The following COL1A2 variants were observed in gnomAD, a reference collection of about 807,000 sequenced individuals.
The protein encoded by COL1A2 is collagen alpha-2(I) chain.
COL1A2 carries 49 observed loss-of-function variants against 174.3 expected under a neutral mutation model. That is an observed-to-expected ratio of 0.28 (90% CI 0.22 to 0.36). COL1A2 has a LOEUF of 0.36. Among genes scored for constraint, COL1A2 ranks in the 10% least tolerant of loss-of-function variants. The probability of loss-of-function intolerance (pLI) is 1.00; values close to 1 mark genes in which losing one functional copy is unlikely to be tolerated. For synonymous variants in COL1A2, 655 were observed against 606.6 expected, an observed-to-expected ratio of 1.08 and a Z score of -1.17; for missense variants, 1,438 against 1,822.7, an observed-to-expected ratio of 0.79 and a Z score of 3.84.
chr7:94,399,161 A>C, intron 4 of COL1A2, 77 bp downstream of exon 4: 1 of 1,308,952 alleles, frequency 7.6e-7, no homozygotes, highest in South Asian at 1.2e-5. Context: ...GGAACTGGCA[A>C]TTTATAAGAA....
chr7:94,429,956 A>G (rs1792365016), intron 51 of COL1A2: 6 of 457,992 alleles, frequency 1.3e-5, no homozygotes, highest in Non-Finnish European at 2.4e-5. Flanking sequence ...GGACATACAC[A>G]CAACAATCCT....
chr7:94,424,426 G>A lies in COL1A2; in HGVS notation c.2656G>A (p.Gly886Ser), dbSNP rs886043796. The change falls in exon 41 of 52, where the codon GGT (glycine) becomes AGT (serine). Residue 886 changes from glycine (G) to serine (S), a missense_variant. Physicochemically the swap from Gly to Ser is moderately conservative, Grantham distance 56 (BLOSUM62 0). This residue lies in a region of COL1A2 where 867 missense variants were observed against 1,213.7 expected (regional missense o/e 0.71). Coordinates refer to ENST00000297268, the MANE Select transcript of COL1A2 (RefSeq NM_000089.4). ...PGSRGERGLP[G>S]VAGAVGEPGP... ...CTCGAGAGGTGAACGTGGTCTACCAGGTGTTGCTGGTGCTGTGGTGAGTGC... is the reference window on the plus strand; with the variant it reads ...CTCGAGAGGTGAACGTGGTCTACCAAGTGTTGCTGGTGCTGTGGTGAGTGC... The A allele has an allele frequency of 6.2e-7, 1 of 1,613,958 alleles. No homozygotes were observed. Among genetic ancestry groups the A allele is most frequent in the African/African-American group, 1.3e-5 (1 of 74,900 alleles).
Position 94,420,930 on chromosome 7 carries a change from G to C in COL1A2, c.2296-79G>C. 3 of 1,351,546 alleles carry C rather than the reference G, an allele frequency of 2.2e-6. No homozygotes were observed. In the Admixed American group the frequency reaches 5.0e-5, roughly 23 times the overall value. The allele number at this position is 1,351,546 out of a possible 1,614,324, so 83.7% of individuals were successfully genotyped here. A position where few individuals can be genotyped will look rare whatever the true frequency, so the allele number is the denominator to read the frequency against. On this transcript the variant is annotated intron_variant, in intron 37 of 51. Transcript: ENST00000297268. ...CTATATTTTCTTCTAAGAGATGCGG[G>C]AATGATCCACTTGAAGAAAAGAGTA...
rs1378294888 is a variant in COL1A2, at chr7:94,417,694, A to G, written c.1864-30A>G. 2.0e-6 allele frequency: 3 copies of G among 1,528,378 alleles called. No individual in the cohort carries two copies. In the Admixed American group the frequency reaches 5.8e-5, roughly 29 times the overall value. 94.7% of individuals were successfully genotyped at this position (1,528,378 alleles called of 1,614,324 possible). A position where few individuals can be genotyped will look rare whatever the true frequency, so the allele number is the denominator to read the frequency against. Reference sequence around the variant, plus strand: ...TTCTTCATTTTCTTCTTTCTCCACTAAAATTGATTTCACATGTGTTTGACT... The same window carrying G: ...TTCTTCATTTTCTTCTTTCTCCACTGAAATTGATTTCACATGTGTTTGACT... On this transcript the variant is annotated intron_variant, in intron 31 of 51. Coordinates refer to ENST00000297268, the MANE Select transcript of COL1A2 (RefSeq NM_000089.4).
chr7:94,405,577 G>A (rs1791778626), intron 10 of COL1A2, 96 bp from the exon 11 acceptor site: 5 of 1,214,138 alleles, frequency 4.1e-6, no homozygotes, highest in Middle Eastern at 1.9e-4. Context: ...TTCAAAGCTT[G>A]AACTTTGATG....
At chr7:94,415,198 T>C (rs751538733) in intron 29 of COL1A2, 28 bp from the exon 30 acceptor site, 1 of 1,607,822 alleles carries the variant, frequency 6.2e-7, no homozygotes, top group Non-Finnish European at 8.5e-7. Context: ...CACACAGATT[T>C]CATGCTTTAT....
At chr7:94,396,017 A>G (rs1192831720) in intron 1 of COL1A2, among the ~76,000 whole-genome samples, 1 of 152,186 alleles carries the variant, frequency 6.6e-6, no homozygotes, top group Non-Finnish European at 1.5e-5. Context: ...TGAGTCTGAC[A>G]CCAATTTGCT....
At position 94,429,959 on chromosome 7, in the gene COL1A2, A is replaced by G. The variant is rs1584333285; in HGVS notation, c.3955-288A>G. 3 of 464,132 alleles carry G rather than the reference A, an allele frequency of 6.5e-6. No homozygotes were observed. In the East Asian group the frequency reaches 1.2e-4, roughly 19 times the overall value. The allele number at this position is 464,132 out of a possible 1,614,324, so 28.8% of individuals were successfully genotyped here. A position where few individuals can be genotyped will look rare whatever the true frequency, so the allele number is the denominator to read the frequency against. Reference sequence around the variant, plus strand: ...ACACACATAGAGGGACATACACACAACAATCCTAAAAATGACTTTGTAGAG... The same window carrying G: ...ACACACATAGAGGGACATACACACAGCAATCCTAAAAATGACTTTGTAGAG... On this transcript the variant is annotated intron_variant, in intron 51 of 51. Coordinates refer to ENST00000297268, the MANE Select transcript of COL1A2 (RefSeq NM_000089.4).
intron 16 of COL1A2, among the ~76,000 whole-genome samples, chr7:94,409,033 AGAT>A (rs1168486608): frequency 6.6e-6 from 1 of 152,196 alleles, no homozygotes; most frequent in Non-Finnish European, 1.5e-5. Flanking sequence ...CCATCGATAT[AGAT>A]GACAACATGG....
chr7:94,415,297 A>G, intron 30 of COL1A2, 27 bp downstream of exon 30: 1 of 1,608,416 alleles, frequency 6.2e-7, no homozygotes, highest in Non-Finnish European at 8.5e-7. Context: ...TAACTTTCAT[A>G]AACTCTGGCA....
Position 94,424,320 on chromosome 7 carries a change from T to C in COL1A2, c.2566-16T>C, listed in dbSNP as rs781024539. 1.9e-6 allele frequency: 3 copies of C among 1,609,188 alleles called. No individual in the cohort carries two copies. Among genetic ancestry groups the C allele is most frequent in the South Asian group, 1.1e-5 (1 of 90,988 alleles). On this transcript the variant is annotated splice_polypyrimidine_tract_variant and intron_variant, in intron 40 of 51. Coordinates refer to ENST00000297268, the MANE Select transcript of COL1A2 (RefSeq NM_000089.4). ...AGGGTCTTACCCATAATACTCAGTA[T>C]TTTTTCTCTATTTAGGGACCTCCTG... is the stretch of plus-strand genomic sequence containing the variant.
chr7:94,414,245 C>G lies in COL1A2; in HGVS notation c.1689C>G (p.Pro563=). Residue 563 remains proline, a synonymous_variant, in exon 29 of 52, where the codon CCC becomes CCG. Transcript: ENST00000297268. ...AGGGTCTGCCTGGCCCCTCAGGTCC[C>G]GCTGGTGAAGTTGGCAAACCAGGAG... ...GFQGLPGPSG[P]AGEVGKPGER... is the part of the protein sequence containing the mutation. The G allele has an allele frequency of 1.2e-6, 2 of 1,614,012 alleles. No individual in the cohort carries two copies. Among genetic ancestry groups the G allele is most frequent in the Non-Finnish European group, 1.7e-6 (2 of 1,179,998 alleles).
At chr7:94,407,602 G>A (rs925592913) in intron 12 of COL1A2, among the ~76,000 whole-genome samples, 1 of 152,156 alleles carries the variant, frequency 6.6e-6, no homozygotes, top group East Asian at 1.9e-4. Context: ...AGAAATTGGG[G>A]AGGAGGTACA....
At chr7:94,426,611 A>G (rs1792283539) in intron 46 of COL1A2, 81 bp downstream of exon 46, 3 of 1,069,536 alleles carry the variant, frequency 2.8e-6, no homozygotes, top group Admixed American at 4.0e-5. Flanking sequence ...TTTCACTGCT[A>G]TTGTTCCAGT....
intron 19 of COL1A2, among the ~76,000 whole-genome samples, 180 bp downstream of exon 19, chr7:94,410,001 C>T (rs1385038778): frequency 1.3e-5 from 2 of 152,158 alleles, no homozygotes; most frequent in Non-Finnish European, 2.9e-5. Context: ...CACAGACATG[C>T]CCTTCCTGTT....
In COL1A2 at chr7:94,423,132, A is replaced by G. The variant is rs781077603; in HGVS notation, c.2565+14A>G. On this transcript the variant is annotated intron_variant, in intron 40 of 51. Transcript: ENST00000297268. ...GCTGGTACTGCTGTAAGTGATTTCC[A>G]ACTCCTCTTTCTTAATACCTTATGC... 1.9e-6 allele frequency: 3 copies of G among 1,613,958 alleles called. No individual in the cohort carries two copies. Among genetic ancestry groups the G allele is most frequent in the South Asian group, 2.2e-5 (2 of 91,064 alleles).
chr7:94,426,902 C>T (rs1792289160), intron 46 of COL1A2, 106 bp from the exon 47 acceptor site: 3 of 958,374 alleles, frequency 3.1e-6, no homozygotes, highest in Non-Finnish European at 4.9e-6. Context: ...TTTTCTCAAT[C>T]CGGAGTCCAT....
At position 94,404,770 on chromosome 7, in the gene COL1A2, T is replaced by C. The variant is rs755784226; in HGVS notation, c.378+24T>C. On this transcript the variant is annotated intron_variant, in intron 8 of 51. Coordinates refer to ENST00000297268, the MANE Select transcript of COL1A2 (RefSeq NM_000089.4). ...CTGTGAGTACATTTTTCCACCTTTG[T>C]GATAAGTTTTTTTCCAGGAAGTTTA... 7 of 1,614,010 alleles carry C rather than the reference T, an allele frequency of 4.3e-6. No individual in the cohort carries two copies. In the African/African-American group the frequency reaches 9.3e-5, roughly 22 times the overall value.
At chr7:94,404,483 G>A (rs1584315861) in intron 6 of COL1A2, 73 bp from the exon 7 acceptor site, 1 of 1,516,464 alleles carries the variant, frequency 6.6e-7, no homozygotes. Context: ...TGCTAAGTTG[G>A]TCATATCTGA....
Sources: allele counts gnomAD v4.1 joint callset (sites outside exome capture counted in the v4.1 genomes callset), GRCh38; gene constraint gnomAD v4.1.1; regional missense constraint gnomAD v4.1.1; transcripts MANE v1.5; gene names NCBI Gene and HGNC (gene_info 2026-07-23, HGNC 2026-07-21).